The following PHKB variants were observed in gnomAD, a reference collection of about 807,000 sequenced individuals.
The protein encoded by PHKB is phosphorylase kinase regulatory subunit beta.
PHKB carries 122 observed loss-of-function variants against 152.1 expected under a neutral mutation model. The observed-to-expected ratio is 0.80, with a 90% CI of 0.69 to 0.93. The LOEUF (loss-of-function observed/expected upper bound fraction) is 0.93, where lower values mean the gene tolerates loss of function less well. Among genes scored for constraint, PHKB ranks in the 40% least tolerant of loss-of-function variants. The probability of loss-of-function intolerance (pLI) is 0.00; values close to 1 mark genes in which losing one functional copy is unlikely to be tolerated. For synonymous variants in PHKB, 436 were observed against 464.9 expected (o/e 0.94, Z 0.80); for missense variants, 1,304 against 1,328.4 (o/e 0.98, Z 0.29).
rs577716744 is a variant in PHKB at position 47,540,133 on chromosome 16, G to C, written c.595-7300G>C. Among the ~76,000 whole-genome samples, 57 of 152,224 alleles carry C rather than the reference G, an allele frequency of 3.7e-4. No individual in the cohort carries two copies. In the South Asian group the frequency reaches 0.012, roughly 31 times the overall value. ...TAGGAAAAGAATTGCATTCCTTGGG[G>C]AAGGTCTATAAACGGCCACTGTGGG... On this transcript the variant is annotated intron_variant, in intron 6 of 30. Transcript: ENST00000323584.
Position 47,660,826 on chromosome 16 carries a change from C to T in PHKB, c.2196+7C>T. The T allele has an allele frequency of 6.2e-7, 1 of 1,613,642 alleles. No homozygotes were observed. Among genetic ancestry groups the T allele is most frequent in the Non-Finnish European group, 8.5e-7 (1 of 1,179,618 alleles). Reference sequence around the variant, plus strand: ...AATTCTTCAAAAACTGAATGTGAGACAGATGCACTTCCCACATGGCCCTAA... The same window carrying T: ...AATTCTTCAAAAACTGAATGTGAGATAGATGCACTTCCCACATGGCCCTAA... On this transcript the variant is annotated splice_region_variant and intron_variant, in intron 22 of 30. Coordinates refer to ENST00000323584, the MANE Select transcript of PHKB (RefSeq NM_000293.3).
At position 47,593,431 on chromosome 16, in the gene PHKB, T is replaced by G. The variant is rs117837254; in HGVS notation, c.1069-69T>G. The stretch of plus-strand genomic sequence containing the variant: ...CTCCAGCCTGGGCCACAGAGTGAGA[T>G]CTTGTCTCAAAATAATAATAATAAT... On this transcript the variant is annotated intron_variant, in intron 10 of 30. Coordinates refer to ENST00000323584, the MANE Select transcript of PHKB (RefSeq NM_000293.3). 2,421 of 864,410 alleles carry G rather than the reference T, an allele frequency of 2.8e-3. 26 individuals carry two copies. The East Asian group carries it at 0.029, about 10-fold the overall frequency. 53.5% of individuals were successfully genotyped at this position (864,410 alleles called of 1,614,324 possible).
At chr16:47,585,125 A>G (rs892369151) in intron 8 of PHKB, among the ~76,000 whole-genome samples, 66 of 152,168 alleles carry the variant, frequency 4.3e-4, no homozygotes, top group Non-Finnish European at 3.1e-4. Flanking sequence ...AATTATAGAA[A>G]CTTGGCTAGG....
intron 1 of PHKB, among the ~76,000 whole-genome samples, chr16:47,481,704 C>T (rs1275935613): frequency 6.6e-6 from 1 of 152,146 alleles, no homozygotes; most frequent in Non-Finnish European, 1.5e-5. Flanking sequence ...CTGTGTGTTG[C>T]TTTATTTAAA....
At chr16:47,468,452 G>T (rs1411031257) in intron 1 of PHKB, among the ~76,000 whole-genome samples, 2 of 152,230 alleles carry the variant, frequency 1.3e-5, no homozygotes, top group Non-Finnish European at 2.9e-5. Context: ...AGAAGTTCGA[G>T]ATCAGCCTGG....
Position 47,669,554 on chromosome 16 carries a change from A to C in PHKB, c.2630+137A>C, listed in dbSNP as rs945525176. The C allele has an allele frequency of 2.5e-5, 19 of 760,132 alleles. No individual in the cohort carries two copies. In the African/African-American group the frequency reaches 3.2e-4, roughly 13 times the overall value. 47.1% of individuals were successfully genotyped at this position (760,132 alleles called of 1,614,324 possible). On this transcript the variant is annotated intron_variant, in intron 26 of 30. Coordinates refer to ENST00000323584, the MANE Select transcript of PHKB (RefSeq NM_000293.3). ...AGAGCACCTGTCCTCTAAGCCATGC[A>C]GGCAATATCTGGGGGTATGAAAAAT...
At chr16:47,484,990 AT>A (rs1473634220) in intron 1 of PHKB, among the ~76,000 whole-genome samples, 2 of 152,322 alleles carry the variant, frequency 1.3e-5, no homozygotes, top group Admixed American at 1.3e-4. Flanking sequence ...TTAGTTATCT[AT>A]ATATGCATGT....
At chr16:47,568,680 G>A (rs765110470) in intron 7 of PHKB, among the ~76,000 whole-genome samples, 24 of 152,102 alleles carry the variant, frequency 1.6e-4, no homozygotes, top group Admixed American at 6.5e-5. Context: ...TTTTCTCATA[G>A]CGCTGCTTTT....
intron 6 of PHKB, among the ~76,000 whole-genome samples, chr16:47,535,116 A>G (rs1326643108): frequency 2.0e-5 from 3 of 152,190 alleles, no homozygotes; most frequent in Admixed American, 1.3e-4. Flanking sequence ...GTGTGAAATC[A>G]TAAAAACCTT....
chr16:47,598,643 C>T, intron 13 of PHKB: 1 of 1,472,040 alleles, frequency 6.8e-7, no homozygotes, highest in Non-Finnish European at 9.5e-7. Flanking sequence ...ACACCAAAGT[C>T]ACTTAATAAT....
At chr16:47,622,828 G>C (rs989084004) in intron 14 of PHKB, among the ~76,000 whole-genome samples, 11 of 152,166 alleles carry the variant, frequency 7.2e-5, no homozygotes, top group African/African-American at 2.7e-4. Context: ...ATAGATCTCA[G>C]CTAAAAACAT....
chr16:47,518,016 A>G (rs1384614685), intron 6 of PHKB, among the ~76,000 whole-genome samples: 1 of 152,170 alleles, frequency 6.6e-6, no homozygotes, highest in Admixed American at 6.5e-5. Flanking sequence ...CAGAGGATTC[A>G]ATTCTTTGAA....
intron 26 of PHKB, 92 bp from the exon 27 acceptor site, chr16:47,688,949 T>C (rs761294945): frequency 2.3e-6 from 3 of 1,321,328 alleles, no homozygotes; most frequent in Non-Finnish European, 2.2e-6. Flanking sequence ...CTCCTTTGAA[T>C]GGGTCAGTGC....
intron 26 of PHKB, among the ~76,000 whole-genome samples, chr16:47,685,321 A>C (rs1201720152): frequency 6.6e-6 from 1 of 152,200 alleles, no homozygotes; most frequent in Non-Finnish European, 1.5e-5. Context: ...GCTACTCAGG[A>C]GACTTAGGCA....
chr16:47,473,924 A>C (rs1450975020), intron 1 of PHKB, among the ~76,000 whole-genome samples: 1 of 152,196 alleles, frequency 6.6e-6, no homozygotes, highest in African/African-American at 2.4e-5. Flanking sequence ...ATAACGTTTT[A>C]TGATTATAGC....
At chr16:47,628,900 C>T (rs1972763857) in intron 14 of PHKB, among the ~76,000 whole-genome samples, 2 of 151,930 alleles carry the variant, frequency 1.3e-5, no homozygotes, top group South Asian at 4.2e-4. Flanking sequence ...TTTGACAAAC[C>T]TGAGAAAAAC....
chr16:47,641,812 CA>C, intron 16 of PHKB, 120 bp downstream of exon 16: 1 of 692,502 alleles, frequency 1.4e-6, no homozygotes, highest in Non-Finnish European at 2.6e-6. Flanking sequence ...ACCAGTAATC[CA>C]AAAGCTTCTA....
At chr16:47,511,940 A>G (rs1031374179) in intron 5 of PHKB, among the ~76,000 whole-genome samples, 168 bp downstream of exon 5, 2 of 152,216 alleles carry the variant, frequency 1.3e-5, no homozygotes, top group Admixed American at 6.5e-5. Flanking sequence ...ATCATCAGGC[A>G]TTAGATTCTC....
Position 47,700,039 on chromosome 16 carries a change from A to G in PHKB, c.*673A>G, listed in dbSNP as rs1974220626. 6.5e-6 allele frequency: 1 copy of G among 153,820 alleles called. No individual in the cohort carries two copies. Among genetic ancestry groups the G allele is most frequent in the Non-Finnish European group, 1.4e-5 (1 of 69,172 alleles). 9.5% of individuals were successfully genotyped at this position (153,820 alleles called of 1,614,324 possible). ...CTCCTGCTAAAAATAGGACATGTCT[A>G]TGATTGTTCAAAAATATGTTAAATT... is the stretch of plus-strand genomic sequence containing the variant. On this transcript the variant is annotated 3_prime_UTR_variant, in exon 31 of 31. Transcript: ENST00000323584.
Sources: allele counts gnomAD v4.1 joint callset (sites outside exome capture counted in the v4.1 genomes callset), GRCh38; gene constraint gnomAD v4.1.1; transcripts MANE v1.5; gene names NCBI Gene and HGNC (gene_info 2026-07-23, HGNC 2026-07-21).